The following JKAMP variants were observed in gnomAD, a reference collection of about 807,000 sequenced individuals.
JKAMP encodes JNK1/MAPK8-associated membrane protein.
Under a neutral mutation model 40.2 loss-of-function variants are expected in JKAMP, and 20 were observed. The ratio of observed to expected loss-of-function variants is 0.50; its 90% CI spans 0.35 to 0.72. The LOEUF (loss-of-function observed/expected upper bound fraction) is 0.72, where lower values mean the gene tolerates loss of function less well. Ranked by LOEUF, JKAMP falls within the 30% of genes least tolerant of loss-of-function variation. The pLI is 0.01. For missense variants in JKAMP, 276 were observed against 373.0 expected, an observed-to-expected ratio of 0.74 and a Z score of 2.14; for synonymous variants, 138 against 131.6, an observed-to-expected ratio of 1.05 and a Z score of -0.33.
intron 6 of JKAMP, among the ~76,000 whole-genome samples, chr14:59,501,475 A>T (rs770221059): frequency 3.9e-5 from 6 of 152,188 alleles, no homozygotes; most frequent in Non-Finnish European, 5.9e-5. Context: ...CAAAATAGTG[A>T]AGTAGTCAGG....
chr14:59,502,530 G>C (rs1340586693), intron 6 of JKAMP, among the ~76,000 whole-genome samples: 2 of 152,058 alleles, frequency 1.3e-5, no homozygotes, highest in African/African-American at 4.8e-5. Context: ...GTGACTTTTA[G>C]GTAAGATAAT....
At chr14:59,499,109 C>G (rs45565832) in intron 5 of JKAMP, among the ~76,000 whole-genome samples, 5,666 of 144,648 alleles carry the variant, frequency 0.039, 151 homozygotes, top group Non-Finnish European at 0.058. Context: ...CTGCAACCTC[C>G]GCCTCCTGGG....
chr14:59,485,140 A>C (rs1301130852), intron 1 of JKAMP: 2 of 1,597,234 alleles, frequency 1.3e-6, no homozygotes, highest in Non-Finnish European at 1.7e-6. Context: ...TGTTTATTTC[A>C]GTTCAGTTTA....
Position 59,487,808 on chromosome 14 carries a change from A to G in JKAMP, c.231A>G (p.Glu77=). The change falls in exon 3 of 7, where the codon GAA becomes GAG. Residue 77 remains glutamate, a synonymous_variant. Transcript: ENST00000616435. ...TGGTTTTACATTGGTTCTTCATTGAATGGTACTCGGGGAAAAAGAGGTTAG... is the reference window on the plus strand; with the variant it reads ...TGGTTTTACATTGGTTCTTCATTGAGTGGTACTCGGGGAAAAAGAGGTTAG... The part of the protein sequence containing the change: ...LPLVLHWFFI[E]WYSGKKSSSA... 1 of 1,613,640 alleles carries G rather than the reference A, an allele frequency of 6.2e-7. No individual in the cohort carries two copies. Among genetic ancestry groups the G allele is most frequent in the Non-Finnish European group, 8.5e-7 (1 of 1,179,680 alleles).
intron 1 of JKAMP, chr14:59,485,191 A>G: frequency 2.7e-6 from 4 of 1,490,622 alleles, no homozygotes; most frequent in Non-Finnish European, 3.7e-6. Context: ...GAAACTTTAG[A>G]TTATTGATAT....
chr14:59,487,525 T>C, intron 2 of JKAMP, 149 bp from the exon 3 acceptor site: 1 of 583,360 alleles, frequency 1.7e-6, no homozygotes, highest in Non-Finnish European at 3.0e-6. Flanking sequence ...TCTTTTTATT[T>C]TACTTATGCC....
rs773900473 is a variant in JKAMP, at chr14:59,484,612, C to G, written c.4+19C>G. 119 of 1,578,442 alleles carry G rather than the reference C, an allele frequency of 7.5e-5. No individual in the cohort carries two copies. Among genetic ancestry groups the G allele is most frequent in the Admixed American group, 1.3e-4 (7 of 54,906 alleles). On this transcript the variant is annotated intron_variant, in intron 1 of 6. Coordinates refer to ENST00000616435, the MANE Select transcript of JKAMP (RefSeq NM_016475.5). ...CCCATGGGTGAGTGGTCGCCAAGAT[C>G]CCGGGAAGCGTTTCTGGTAGTCCCG... is the stretch of plus-strand genomic sequence containing the variant.
intron 3 of JKAMP, among the ~76,000 whole-genome samples, chr14:59,492,866 C>T (rs11621372): frequency 0.39 from 58,447 of 149,078 alleles, 12,136 homozygotes; most frequent in African/African-American, 0.52. Flanking sequence ...GGTGCGACCT[C>T]GGCTCACTGC....
chr14:59,493,646 C>T (rs1891202704), intron 3 of JKAMP, among the ~76,000 whole-genome samples: 2 of 152,116 alleles, frequency 1.3e-5, no homozygotes, highest in African/African-American at 2.4e-5. Context: ...GAAACTATTT[C>T]CTATATTCCA....
At chr14:59,491,328 A>G (rs970582627) in intron 3 of JKAMP, among the ~76,000 whole-genome samples, 4 of 152,210 alleles carry the variant, frequency 2.6e-5, no homozygotes, top group African/African-American at 9.7e-5. Flanking sequence ...GAAAGACAAA[A>G]AGACTCAAAA....
chr14:59,502,765 T>TA, intron 6 of JKAMP, among the ~76,000 whole-genome samples: 1 of 134,652 alleles, frequency 7.4e-6, no homozygotes, highest in Non-Finnish European at 1.6e-5. Flanking sequence ...TTTTTTTTTT[T>TA]TTTTTTTTCG....
chr14:59,496,269 A>G (rs922266591), intron 4 of JKAMP, among the ~76,000 whole-genome samples: 1 of 150,654 alleles, frequency 6.6e-6, no homozygotes, highest in Non-Finnish European at 1.5e-5. Context: ...GCTATAATTT[A>G]TATATAAAAT....
chr14:59,486,220 CTG>C (rs1351761098), intron 1 of JKAMP, among the ~76,000 whole-genome samples: 1 of 152,146 alleles, frequency 6.6e-6, no homozygotes, highest in Admixed American at 6.5e-5. Context: ...TTGCATACCT[CTG>C]TTATGAAATT....
At chr14:59,492,781 A>T (rs1163131303) in intron 3 of JKAMP, among the ~76,000 whole-genome samples, 2 of 150,558 alleles carry the variant, frequency 1.3e-5, no homozygotes, top group African/African-American at 4.9e-5. Flanking sequence ...AATAGAGACT[A>T]TGAAGGAGAG....
intron 3 of JKAMP, among the ~76,000 whole-genome samples, chr14:59,493,911 A>G (rs964612710): frequency 6.6e-6 from 1 of 152,214 alleles, no homozygotes; most frequent in Non-Finnish European, 1.5e-5. Context: ...ATGAAACTTT[A>G]TATGAAAGAA....
At chr14:59,501,038 G>T in intron 5 of JKAMP, 153 bp from the exon 6 acceptor site, 1 of 565,902 alleles carries the variant, frequency 1.8e-6, no homozygotes, top group Non-Finnish European at 3.1e-6. Context: ...GAAAAAGCTT[G>T]CTGGCCACTG....
In JKAMP at chr14:59,487,711, A is replaced by G; in HGVS notation, c.134A>G (p.Tyr45Cys). The G allele has an allele frequency of 6.2e-7, 1 of 1,613,306 alleles. No individual in the cohort carries two copies. Among genetic ancestry groups the G allele is most frequent in the Non-Finnish European group, 8.5e-7 (1 of 1,179,360 alleles). ...GGACAGAGAACGAATGCACAGAAATATTGTCAGCCTTGCACAGAATCTCCT... is the reference window on the plus strand; with the variant it reads ...GGACAGAGAACGAATGCACAGAAATGTTGTCAGCCTTGCACAGAATCTCCT... ...PRGQRTNAQK[Y>C]CQPCTESPEL... Residue 45 changes from tyrosine to cysteine, a missense_variant, in exon 3 of 7, where the codon TAT becomes TGT. Tyr to Cys is a radical substitution (Grantham distance 194). Coordinates refer to ENST00000616435, the MANE Select transcript of JKAMP (RefSeq NM_016475.5).
intron 1 of JKAMP, 117 bp downstream of exon 1, chr14:59,484,710 C>T: frequency 1.5e-6 from 2 of 1,294,414 alleles, no homozygotes; most frequent in Non-Finnish European, 2.2e-6. Context: ...GCAGGCTCGC[C>T]CCTTGACCCC....
intron 6 of JKAMP, 142 bp downstream of exon 6, chr14:59,501,409 CTTG>C (rs897216788): frequency 1.5e-5 from 9 of 584,502 alleles, no homozygotes; most frequent in African/African-American, 1.5e-4. Flanking sequence ...TAGCTTTTGG[CTTG>C]TTAACTTTAT....
Sources: allele counts gnomAD v4.1 joint callset (sites outside exome capture counted in the v4.1 genomes callset), GRCh38; gene constraint gnomAD v4.1.1; transcripts MANE v1.5; gene names NCBI Gene and HGNC (gene_info 2026-07-23, HGNC 2026-07-21).